The following DOK6 variants were observed in gnomAD, a reference collection of about 807,000 sequenced individuals.
DOK6 encodes docking protein 6, also known as downstream of tyrosine kinase 6.
A neutral mutation model predicts 44.0 loss-of-function variants in DOK6; 22 were observed. The ratio of observed to expected loss-of-function variants is 0.50; its 90% CI spans 0.36 to 0.71. The LOEUF (loss-of-function observed/expected upper bound fraction) is 0.71, where lower values mean the gene tolerates loss of function less well. Ranked by LOEUF, DOK6 falls within the 30% of genes least tolerant of loss-of-function variation. The pLI is 0.00. For missense variants in DOK6, 340 were observed against 416.4 expected, an observed-to-expected ratio of 0.82 and a Z score of 1.60; for synonymous variants, 166 against 145.5, an observed-to-expected ratio of 1.14 and a Z score of -1.01.
At chr18:69,497,880 G>A (rs1035137880) in intron 1 of DOK6, among the ~76,000 whole-genome samples, 1 of 151,978 alleles carries the variant, frequency 6.6e-6, no homozygotes, top group African/African-American at 2.4e-5. Context: ...ATCTCACTAC[G>A]TTGGGAAGGT....
At chr18:69,475,661 T>C (rs1187684795) in intron 1 of DOK6, among the ~76,000 whole-genome samples, 1 of 152,146 alleles carries the variant, frequency 6.6e-6, no homozygotes, top group Admixed American at 6.5e-5. Context: ...ATCTTGAAAA[T>C]TCATTGTTCA....
intron 1 of DOK6, among the ~76,000 whole-genome samples, chr18:69,494,178 TAA>T (rs1599157829): frequency 6.6e-6 from 1 of 152,310 alleles, no homozygotes; most frequent in East Asian, 1.9e-4. Flanking sequence ...TTAAGATTTT[TAA>T]AGAAGATTTG....
chr18:69,619,084 T>G (rs1026252296), intron 3 of DOK6, among the ~76,000 whole-genome samples: 2 of 152,054 alleles, frequency 1.3e-5, no homozygotes, highest in African/African-American at 4.8e-5. Flanking sequence ...AAAAACTAAA[T>G]GCAGAGAACA....
intron 1 of DOK6, among the ~76,000 whole-genome samples, chr18:69,435,713 T>G (rs950073407): frequency 1.3e-5 from 2 of 152,206 alleles, no homozygotes; most frequent in African/African-American, 2.4e-5. Context: ...GGCTTACTTT[T>G]TTGGCCTAAA....
chr18:69,554,297 C>T (rs1161082674), intron 1 of DOK6, among the ~76,000 whole-genome samples: 1 of 152,174 alleles, frequency 6.6e-6, no homozygotes, highest in East Asian at 1.9e-4. Context: ...GGACCTCCCA[C>T]TAAATGAACC....
chr18:69,485,273 A>T (rs1980542362), intron 1 of DOK6, among the ~76,000 whole-genome samples: 1 of 152,152 alleles, frequency 6.6e-6, no homozygotes, highest in South Asian at 2.1e-4. Context: ...GCCTTGCTAG[A>T]AATTTGTCGT....
At position 69,832,351 on chromosome 18, in the gene DOK6, C is replaced by A. The variant is rs74258316; in HGVS notation, c.857-8893C>A. Among the ~76,000 whole-genome samples the A allele has an allele frequency of 2.1e-3, 318 of 152,168 alleles. 7 individuals carry two copies. In the East Asian group the frequency reaches 0.047, roughly 22 times the overall value. The stretch of plus-strand genomic sequence containing the variant: ...TGTATCATGTTTATTGATTGTTAAA[C>A]CATCCTTGTATCCTGAGGATGAATC... On this transcript the variant is annotated intron_variant, in intron 7 of 7. Coordinates refer to ENST00000382713, the MANE Select transcript of DOK6 (RefSeq NM_152721.6).
intron 2 of DOK6, among the ~76,000 whole-genome samples, chr18:69,582,305 T>C (rs1038428414): frequency 3.3e-5 from 5 of 152,180 alleles, no homozygotes; most frequent in Admixed American, 2.6e-4. Context: ...GCTATACAAA[T>C]TTCTAGCTGA....
intron 3 of DOK6, chr18:69,662,767 C>T (rs1985562415): frequency 6.6e-6 from 1 of 152,210 alleles, no homozygotes; most frequent in South Asian, 2.1e-4. Flanking sequence ...CCATTGCCAA[C>T]TCCACAATGA....
At chr18:69,403,364 A>G (rs900660911) in intron 1 of DOK6, among the ~76,000 whole-genome samples, 1 of 152,170 alleles carries the variant, frequency 6.6e-6, no homozygotes, top group Non-Finnish European at 1.5e-5. Context: ...TTGGGTAACT[A>G]TGGCATTCAC....
chr18:69,805,453 G>A (rs983277020), intron 7 of DOK6, among the ~76,000 whole-genome samples: 1 of 152,078 alleles, frequency 6.6e-6, no homozygotes, highest in Admixed American at 6.6e-5. Context: ...TAAAATACAT[G>A]TAATCCTTTT....
chr18:69,815,603 G>A (rs1981375637), intron 7 of DOK6, among the ~76,000 whole-genome samples: 1 of 152,200 alleles, frequency 6.6e-6, no homozygotes, highest in African/African-American at 2.4e-5. Context: ...GAAATGACAA[G>A]TAAGAGAAAA....
chr18:69,463,889 G>A (rs189773637), intron 1 of DOK6, among the ~76,000 whole-genome samples: 5 of 152,100 alleles, frequency 3.3e-5, no homozygotes, highest in Admixed American at 2.0e-4. Context: ...AATGCTTAGC[G>A]TTCCATTGAA....
intron 3 of DOK6, chr18:69,660,622 T>C (rs1985497201): frequency 6.6e-6 from 1 of 152,076 alleles, no homozygotes; most frequent in Non-Finnish European, 1.5e-5. Context: ...CAAGGAGCAA[T>C]GCATTCCTTT....
chr18:69,468,846 T>G (rs1980003665), intron 1 of DOK6, among the ~76,000 whole-genome samples: 1 of 152,188 alleles, frequency 6.6e-6, no homozygotes, highest in Admixed American at 6.5e-5. Context: ...GACACGAACT[T>G]GAATACTACT....
At chr18:69,742,814 A>G (rs910315252) in intron 6 of DOK6, among the ~76,000 whole-genome samples, 2 of 152,334 alleles carry the variant, frequency 1.3e-5, no homozygotes, top group African/African-American at 2.4e-5. Flanking sequence ...CCATACCTCA[A>G]TGTATGTATG....
At chr18:69,818,872 C>T (rs1981481909) in intron 7 of DOK6, among the ~76,000 whole-genome samples, 1 of 152,182 alleles carries the variant, frequency 6.6e-6, no homozygotes, top group South Asian at 2.1e-4. Context: ...GCACAACCAC[C>T]AATAGTCACA....
chr18:69,487,921 C>A (rs1980628969), intron 1 of DOK6, among the ~76,000 whole-genome samples: 1 of 152,204 alleles, frequency 6.6e-6, no homozygotes, highest in South Asian at 2.1e-4. Flanking sequence ...GGGTCCCAAA[C>A]AGCCTTGATG....
At chr18:69,474,158 G>A (rs1360651369) in intron 1 of DOK6, among the ~76,000 whole-genome samples, 1 of 151,938 alleles carries the variant, frequency 6.6e-6, no homozygotes, top group Non-Finnish European at 1.5e-5. Flanking sequence ...GTGAGGGGGG[G>A]CCTTCTTTCC....
Sources: allele counts gnomAD v4.1 joint callset (sites outside exome capture counted in the v4.1 genomes callset), GRCh38; gene constraint gnomAD v4.1.1; transcripts MANE v1.5; gene names NCBI Gene and HGNC (gene_info 2026-07-23, HGNC 2026-07-21).